Variants in CSMD1 observed in about 807,000 individuals in gnomAD.
CSMD1 encodes the protein CUB and sushi domain-containing protein 1.
CSMD1 carries 213 observed loss-of-function variants against 417.5 expected under a neutral mutation model. The observed-to-expected ratio is 0.51, with a 90% CI of 0.46 to 0.57. The LOEUF (loss-of-function observed/expected upper bound fraction) is 0.57, where lower values mean the gene tolerates loss of function less well. CSMD1 is among the 20% of genes least tolerant of loss of function. The probability of loss-of-function intolerance (pLI) is 0.00; values close to 1 mark genes in which losing one functional copy is unlikely to be tolerated. For missense variants in CSMD1, 6,923 were observed against 4,529.7 expected, an observed-to-expected ratio of 1.53 and a Z score of -15.17; for synonymous variants, 2,862 against 1,736.8, an observed-to-expected ratio of 1.65 and a Z score of -16.11.
chr8:3,887,431 A>G (rs759810664), intron 5 of CSMD1, among the ~76,000 whole-genome samples: 8 of 152,200 alleles, frequency 5.3e-5, no homozygotes, highest in East Asian at 1.9e-4. Flanking sequence ...TGGACAAATT[A>G]TAGACCCTAT....
chr8:3,328,437 A>G (rs531638083), intron 23 of CSMD1, among the ~76,000 whole-genome samples: 11 of 152,314 alleles, frequency 7.2e-5, no homozygotes, highest in African/African-American at 2.4e-4. Flanking sequence ...CCAATGCTAA[A>G]TATCTGCACA....
chr8:4,940,396 T>A (rs1807915328), intron 1 of CSMD1, among the ~76,000 whole-genome samples: 1 of 152,196 alleles, frequency 6.6e-6, no homozygotes, highest in Non-Finnish European at 1.5e-5. Context: ...ATTACATGAG[T>A]TAAGAAATTC....
intron 25 of CSMD1, 73 bp downstream of exon 25, chr8:3,307,622 C>T: frequency 6.8e-7 from 1 of 1,462,704 alleles, no homozygotes; most frequent in East Asian, 2.3e-5. Context: ...ATTTGGTGTA[C>T]CACTATCTCT....
chr8:4,255,310 C>G (rs180765883), intron 3 of CSMD1, among the ~76,000 whole-genome samples: 34 of 152,250 alleles, frequency 2.2e-4, no homozygotes, highest in Admixed American at 7.2e-4. Flanking sequence ...TATTGGTGAA[C>G]TCCAGGAGGG....
chr8:3,798,036 T>C (rs1037628907), intron 5 of CSMD1, among the ~76,000 whole-genome samples: 7 of 152,068 alleles, frequency 4.6e-5, no homozygotes, highest in Non-Finnish European at 8.8e-5. Context: ...GGTGCTTTTT[T>C]GACCATTTTT....
chr8:4,863,285 G>A (rs114666869), intron 1 of CSMD1, among the ~76,000 whole-genome samples: 2,973 of 151,922 alleles, frequency 0.02, 107 homozygotes, highest in African/African-American at 0.068. Context: ...TTAGAACGGC[G>A]CATGGTATAT....
At chr8:4,526,329 A>G (rs1024946059) in intron 2 of CSMD1, among the ~76,000 whole-genome samples, 3 of 152,244 alleles carry the variant, frequency 2.0e-5, no homozygotes, top group African/African-American at 7.2e-5. Flanking sequence ...TACTTTTGCA[A>G]AATACTATGG....
intron 1 of CSMD1, among the ~76,000 whole-genome samples, chr8:4,970,450 C>A (rs771385275): frequency 6.6e-6 from 1 of 152,008 alleles, no homozygotes; most frequent in Non-Finnish European, 1.5e-5. Flanking sequence ...TTTATGTGAC[C>A]AAAATGACAT....
intron 3 of CSMD1, among the ~76,000 whole-genome samples, chr8:4,259,184 A>G (rs1803698066): frequency 6.6e-6 from 1 of 152,174 alleles, no homozygotes; most frequent in Non-Finnish European, 1.5e-5. Context: ...CATGCACTCT[A>G]GAAGTCACTT....
chr8:3,892,832 G>A (rs1807075541), intron 5 of CSMD1, among the ~76,000 whole-genome samples: 1 of 151,256 alleles, frequency 6.6e-6, no homozygotes, highest in Admixed American at 6.6e-5. Flanking sequence ...CCCAAGTGCA[G>A]GTTCTGAGAA....
At chr8:3,824,295 A>G (rs2129084184) in intron 5 of CSMD1, among the ~76,000 whole-genome samples, 1 of 152,236 alleles carries the variant, frequency 6.6e-6, no homozygotes, top group Admixed American at 6.5e-5. Flanking sequence ...TTCGATGTTA[A>G]CAAACGGGCA....
At chr8:4,963,590 A>T (rs1388312727) in intron 1 of CSMD1, among the ~76,000 whole-genome samples, 1 of 152,074 alleles carries the variant, frequency 6.6e-6, no homozygotes, top group Non-Finnish European at 1.5e-5. Context: ...TTATACATTT[A>T]TTTTTATTGC....
In CSMD1 at chr8:4,431,868, A is replaced by T. The variant is rs545443474; in HGVS notation, c.303-11803T>A. Among the ~76,000 whole-genome samples, 5 of 152,314 alleles carry T rather than the reference A, an allele frequency of 3.3e-5. No homozygotes were observed. In the South Asian group the frequency reaches 1.0e-3, roughly 32 times the overall value. ...TGGGCCTATTTTCTTGGTGGAATAAAATTTATTATATATACTATTAAAATA... is the reference window on the plus strand; with the variant it reads ...TGGGCCTATTTTCTTGGTGGAATAATATTTATTATATATACTATTAAAATA... On this transcript the variant is annotated intron_variant, in intron 2 of 69. Coordinates refer to ENST00000635120, the MANE Select transcript of CSMD1 (RefSeq NM_033225.6).
intron 3 of CSMD1, among the ~76,000 whole-genome samples, chr8:4,377,339 A>G (rs568611058): frequency 6.6e-6 from 1 of 152,298 alleles, no homozygotes; most frequent in Admixed American, 6.5e-5. Context: ...GGAGGCTTAG[A>G]GCTTACTAAT....
chr8:3,238,709 G>T (rs1799308376), intron 26 of CSMD1, among the ~76,000 whole-genome samples: 1 of 152,162 alleles, frequency 6.6e-6, no homozygotes, highest in African/African-American at 2.4e-5. Context: ...GAGAAAAACA[G>T]GTATTAAGGG....
intron 7 of CSMD1, among the ~76,000 whole-genome samples, chr8:3,639,901 T>C (rs539214015): frequency 6.4e-4 from 97 of 152,348 alleles, no homozygotes; most frequent in Non-Finnish European, 1.1e-3. Context: ...GTTATCTTCT[T>C]TGTGTTTTGC....
intron 3 of CSMD1, among the ~76,000 whole-genome samples, chr8:4,416,114 G>C (rs566080403): frequency 6.6e-6 from 1 of 152,114 alleles, no homozygotes; most frequent in Admixed American, 6.5e-5. Context: ...TGTCCTATCT[G>C]TACAATTGCC....
At chr8:4,244,831 T>C (rs1169155450) in intron 3 of CSMD1, among the ~76,000 whole-genome samples, 1 of 152,214 alleles carries the variant, frequency 6.6e-6, no homozygotes, top group Admixed American at 6.5e-5. Context: ...GTATATGTTC[T>C]GACCTCCTTC....
intron 5 of CSMD1, among the ~76,000 whole-genome samples, chr8:3,865,843 G>A (rs1172967411): frequency 1.3e-5 from 2 of 151,952 alleles, no homozygotes; most frequent in African/African-American, 4.8e-5. Flanking sequence ...TGCTCCATTT[G>A]AGCTGGAAAC....
Sources: gnomAD v4.1 joint callset for allele counts (sites outside exome capture counted in the v4.1 genomes callset) on GRCh38, gnomAD v4.1.1 for gene constraint, MANE v1.5 for transcripts, NCBI Gene and HGNC (gene_info 2026-07-23, HGNC 2026-07-21) for gene names.